Variants in ZNF738 observed in about 807,000 individuals in gnomAD.
ZNF738 encodes the protein protein ZNF738.
In ZNF738, 10 loss-of-function variants were observed where a neutral mutation model predicts 9.2. The observed-to-expected ratio is 1.09, with a 90% CI of 0.67 to 1.85. The LOEUF (loss-of-function observed/expected upper bound fraction) is 1.85. Among genes scored for constraint, ZNF738 ranks in the 40% most tolerant of loss-of-function variants. The probability of loss-of-function intolerance (pLI) is 0.00; values close to 1 mark genes in which losing one functional copy is unlikely to be tolerated. For synonymous variants in ZNF738, 113 were observed against 94.5 expected (o/e 1.20, Z -1.14); for missense variants, 346 against 283.6 (o/e 1.22, Z -1.58).
rs1380890882 is a variant in ZNF738, at chr19:21,383,446, C to T, written c.900C>T (p.Ser300=). 5.4e-6 allele frequency: 3 copies of T among 554,200 alleles called. No homozygotes were observed. The highest frequency in any genetic ancestry group is 9.7e-6 in the Non-Finnish European group (3 of 309,138). The allele number at this position is 554,200 out of a possible 1,614,324, so 34.3% of individuals were successfully genotyped here. The part of the protein sequence containing the change: ...CEKCGKDFKQ[S]SHLTKHKTIH... ...AATGTGGCAAAGATTTTAAACAGTC[C>T]TCACACCTTACTAAACATAAGACAA... The change falls in exon 5 of 5, where the codon TCC becomes TCT. Residue 300 remains serine, a synonymous_variant. Transcript: ENST00000683779.
intron 2 of ZNF738, among the ~76,000 whole-genome samples, chr19:21,367,626 C>G (rs753531769): frequency 6.6e-6 from 1 of 152,184 alleles, no homozygotes; most frequent in Admixed American, 6.5e-5. Flanking sequence ...AGGCTCTGCT[C>G]TCCTGTACAC....
At chr19:21,361,740 A>G (rs1276896216) in intron 1 of ZNF738, 26 bp from the exon 2 acceptor site, 1 of 779,142 alleles carries the variant, frequency 1.3e-6, no homozygotes, top group Non-Finnish European at 2.4e-6. Context: ...AGTGGATATC[A>G]GCTTCTGGTT....
rs1214301785 is a variant in ZNF738 at position 21,383,423 on chromosome 19, T to C, written c.877T>C (p.Cys293Arg). ...AGAGAAACACTACAAATGTGAAAAA[T>C]GTGGCAAAGATTTTAAACAGTCCTC... ...AGEKHYKCEKCGKDFKQSSHL... is the reference protein window; with the variant it reads ...AGEKHYKCEKRGKDFKQSSHL... The change falls in exon 5 of 5, where the codon TGT becomes CGT. Residue 293 changes from cysteine (C) to arginine (R), a missense_variant. Transcript: ENST00000683779. 2 of 574,232 alleles carry C rather than the reference T, an allele frequency of 3.5e-6. No individual in the cohort carries two copies. The highest frequency in any genetic ancestry group is 4.0e-5 in the African/African-American group (2 of 49,790). 35.6% of individuals were successfully genotyped at this position (574,232 alleles called of 1,614,324 possible).
chr19:21,367,501 T>C (rs1973799066), intron 2 of ZNF738, among the ~76,000 whole-genome samples: 1 of 152,050 alleles, frequency 6.6e-6, no homozygotes, highest in African/African-American at 2.4e-5. Flanking sequence ...ATGTTAGACA[T>C]TGAGTTGGTG....
intron 2 of ZNF738, among the ~76,000 whole-genome samples, chr19:21,368,925 A>C (rs1973822293): frequency 6.6e-6 from 1 of 152,046 alleles, no homozygotes; most frequent in African/African-American, 2.4e-5. Context: ...TTTAGTAGAC[A>C]CGGGGTTTTA....
chr19:21,362,906 C>A (rs774321462), intron 2 of ZNF738, among the ~76,000 whole-genome samples: 21 of 152,068 alleles, frequency 1.4e-4, no homozygotes, highest in Non-Finnish European at 2.6e-4. Flanking sequence ...GAATACGTTT[C>A]CACAAGAAAA....
At chr19:21,382,447 C>T (rs1349417990) in intron 4 of ZNF738, among the ~76,000 whole-genome samples, 1 of 151,940 alleles carries the variant, frequency 6.6e-6, no homozygotes, top group Non-Finnish European at 1.5e-5. Flanking sequence ...CAGTGTTGGC[C>T]AGGATGGTCT....
At chr19:21,379,154 T>C (rs1599719366) in intron 4 of ZNF738, 1 of 152,132 alleles carries the variant, frequency 6.6e-6, no homozygotes, top group Non-Finnish European at 1.5e-5. Context: ...TCTGTGTTCA[T>C]ATTTTACTCA....
intron 4 of ZNF738, among the ~76,000 whole-genome samples, chr19:21,380,530 C>T (rs1207603067): frequency 6.6e-6 from 1 of 152,102 alleles, no homozygotes; most frequent in Non-Finnish European, 1.5e-5. Context: ...TAAGAGACCC[C>T]TCAACTAAAA....
Position 21,387,440 on chromosome 19 carries a change from C to T in ZNF738, c.*3766C>T, listed in dbSNP as rs950269113. ...CTGACCTCAGGTGATCCGCCCACCTCGGGCCTCCCAAAGTGCTGGGATTAC... is the reference window on the plus strand; with the variant it reads ...CTGACCTCAGGTGATCCGCCCACCTTGGGCCTCCCAAAGTGCTGGGATTAC... On this transcript the variant is annotated 3_prime_UTR_variant, in exon 5 of 5. Transcript: ENST00000683779. Among the ~76,000 whole-genome samples, 7 of 150,608 alleles carry T rather than the reference C, an allele frequency of 4.6e-5. No individual in the cohort carries two copies. Among genetic ancestry groups the T allele is most frequent in the African/African-American group, 9.8e-5 (4 of 40,910 alleles).
At chr19:21,380,801 T>C (rs1301371825) in intron 4 of ZNF738, among the ~76,000 whole-genome samples, 1 of 152,134 alleles carries the variant, frequency 6.6e-6, no homozygotes, top group Non-Finnish European at 1.5e-5. Context: ...ACCATGTTAC[T>C]ACCAGCAGTC....
intron 4 of ZNF738, among the ~76,000 whole-genome samples, chr19:21,380,102 A>G (rs1973986087): frequency 1.3e-5 from 2 of 152,200 alleles, no homozygotes; most frequent in African/African-American, 4.8e-5. Context: ...GCACACTGGG[A>G]ATTTTAAGAA....
In ZNF738 at chr19:21,384,553, A is replaced by G. The variant is rs920148993; in HGVS notation, c.*879A>G. Among the ~76,000 whole-genome samples, 2 of 152,212 alleles carry G rather than the reference A, an allele frequency of 1.3e-5. No homozygotes were observed. Among genetic ancestry groups the G allele is most frequent in the Non-Finnish European group, 2.9e-5 (2 of 68,030 alleles). On this transcript the variant is annotated 3_prime_UTR_variant, in exon 5 of 5. Transcript: ENST00000683779. Reference sequence around the variant, plus strand: ...AACTGTTCCTCACAAATTACTAGACATAAGATAATTCATACTGGAGAGAAA... The same window carrying G: ...AACTGTTCCTCACAAATTACTAGACGTAAGATAATTCATACTGGAGAGAAA...
At chr19:21,361,898 T>A in intron 2 of ZNF738, 40 bp downstream of exon 2, 1 of 750,260 alleles carries the variant, frequency 1.3e-6, no homozygotes, top group Non-Finnish European at 2.5e-6. Context: ...TGGGACCAGC[T>A]TGAAAAACAT....
chr19:21,372,844 ATGT>A (rs1428367775), intron 2 of ZNF738: 2 of 152,306 alleles, frequency 1.3e-5, no homozygotes, highest in Non-Finnish European at 2.9e-5. Flanking sequence ...TCATGTGTAC[ATGT>A]TGTTTTTTAA....
chr19:21,381,787 C>T, intron 4 of ZNF738: 1 of 285,082 alleles, frequency 3.5e-6, no homozygotes, highest in Non-Finnish European at 7.1e-6. Flanking sequence ...GCCACCGCGC[C>T]TGGCCAGGCT....
intron 4 of ZNF738, chr19:21,378,172 T>C (rs1203803740): frequency 8.0e-6 from 3 of 373,952 alleles, no homozygotes. Context: ...TTTTTATATG[T>C]ATATTTATTA....
chr19:21,385,924 A>G lies in ZNF738; in HGVS notation c.*2250A>G, dbSNP rs1019555772. On this transcript the variant is annotated 3_prime_UTR_variant, in exon 5 of 5. Coordinates refer to ENST00000683779, the MANE Select transcript of ZNF738 (RefSeq NM_001355237.2). ...TAAACAGAATTCATAGCAGAGAGAA[A>G]TCCTACAAATATGAAGAATGTCACA... Among the ~76,000 whole-genome samples the G allele has an allele frequency of 6.6e-6, 1 of 152,160 alleles. No homozygotes were observed. The highest frequency in any genetic ancestry group is 6.5e-5 in the Admixed American group (1 of 15,280).
At chr19:21,373,176 G>C (rs565226188) in intron 2 of ZNF738, among the ~76,000 whole-genome samples, 1 of 152,192 alleles carries the variant, frequency 6.6e-6, no homozygotes, top group Non-Finnish European at 1.5e-5. Flanking sequence ...GCTCATTAAA[G>C]GTTGAGAGGC....
Sources: gnomAD v4.1 joint callset for allele counts (sites outside exome capture counted in the v4.1 genomes callset) on GRCh38, gnomAD v4.1.1 for gene constraint, MANE v1.5 for transcripts, NCBI Gene and HGNC (gene_info 2026-07-23, HGNC 2026-07-21) for gene names.